The following FUS variants were observed in gnomAD, a reference collection of about 807,000 sequenced individuals.
FUS encodes the protein FUS RNA binding protein, also known as RNA-binding protein FUS.
FUS carries 5 observed loss-of-function variants against 82.7 expected under a neutral mutation model. The observed-to-expected ratio is 0.06, with a 90% CI of 0.03 to 0.13. The LOEUF is 0.13. Ranked by LOEUF, FUS falls within the 10% of genes least tolerant of loss-of-function variation. FUS has a pLI of 1.00. For synonymous variants in FUS, 281 were observed against 247.4 expected, an observed-to-expected ratio of 1.14 and a Z score of -1.27; for missense variants, 512 against 707.8, an observed-to-expected ratio of 0.72 and a Z score of 3.14.
intron 10 of FUS, 46 bp from the exon 11 acceptor site, chr16:31,189,994 A>G (rs1430510090): frequency 6.3e-7 from 1 of 1,575,540 alleles, no homozygotes; most frequent in African/African-American, 1.4e-5. Context: ...TTTCGGATTA[A>G]TGTGTCTTGC....
At chr16:31,191,133 A>G in intron 14 of FUS, 23 bp downstream of exon 14, 1 of 1,611,566 alleles carries the variant, frequency 6.2e-7, no homozygotes, top group Non-Finnish European at 8.5e-7. Flanking sequence ...ATCAGAATAA[A>G]AAAGTAGAGC....
At chr16:31,193,616 A>T (rs959327785), downstream of FUS, 4 of 529,646 alleles carry the variant, frequency 7.6e-6, no homozygotes, top group Non-Finnish European at 1.1e-5. Flanking sequence ...ATTGGCCTTG[A>T]CCTTAAAAGG....
At chr16:31,187,836 T>C (rs1300103709) in intron 7 of FUS, 1 of 244,344 alleles carries the variant, frequency 4.1e-6, no homozygotes, top group Non-Finnish European at 8.0e-6. Context: ...AACAACACGG[T>C]TTTAAGGATG....
intron 6 of FUS, 136 bp from the exon 7 acceptor site, chr16:31,186,666 G>A: frequency 1.3e-6 from 1 of 766,792 alleles, no homozygotes; most frequent in Non-Finnish European, 2.3e-6. Context: ...GTCAGGAAGG[G>A]ATGTATTTTA....
At chr16:31,183,692 T>C in intron 3 of FUS, 166 bp from the exon 4 acceptor site, 1 of 800,530 alleles carries the variant, frequency 1.2e-6, no homozygotes, top group Non-Finnish European at 2.1e-6. Flanking sequence ...GCATTAAATT[T>C]AGGCTTTGAA....
rs1382770478 is a variant in FUS at position 31,190,108 on chromosome 16, G to A, written c.1135G>A (p.Gly379Ser). 1.2e-6 allele frequency: 2 copies of A among 1,614,032 alleles called. No homozygotes were observed. The highest frequency in any genetic ancestry group is 4.5e-5 in the East Asian group (2 of 44,900). Residue 379 changes from glycine to serine, a missense_variant, in exon 11 of 15, where the codon GGT becomes AGT. This residue lies in a region of FUS where 63 missense variants were observed against 83.0 expected (regional missense o/e 0.76). Coordinates refer to ENST00000254108, the MANE Select transcript of FUS (RefSeq NM_004960.4). ...ATRRADFNRG[G>S]GNGRGGRGRG... ...TCGCCGGGCAGACTTTAATCGGGGT[G>A]GTGGCAATGGTCGTGGAGGCCGAGG...
downstream of FUS, chr16:31,192,968 CTTTATTT>C (rs1567481543): frequency 4.1e-6 from 2 of 484,172 alleles, no homozygotes; most frequent in Non-Finnish European, 8.2e-6. Context: ...GAAACTATGA[CTTTATTT>C]TTTGAGATGG....
intron 10 of FUS, 82 bp downstream of exon 10, chr16:31,189,876 C>G: frequency 1.9e-6 from 3 of 1,608,300 alleles, no homozygotes; most frequent in Non-Finnish European, 1.7e-6. Flanking sequence ...TTTGAGGGTT[C>G]TTTTGAGTCT....
rs556586630 is a variant in FUS at position 31,185,063 on chromosome 16, C to T, written c.648C>T (p.Arg216=). 4.0e-5 allele frequency: 65 copies of T among 1,610,978 alleles called. 2 individuals carry two copies. The East Asian group carries it at 4.5e-4, about 11-fold the overall frequency. Residue 216 remains arginine (R), a synonymous_variant, in exon 6 of 15, where the codon CGC becomes CGT. Transcript: ENST00000254108. ...GGYGQQDRGG[R]GRGGSGGGGG... ...ATGGACAGCAGGACCGTGGAGGCCG[C>T]GGCAGGGGTGGCAGTGGTGGCGGCG...
chr16:31,184,263 C>T lies in FUS; in HGVS notation c.390C>T (p.Tyr130=), dbSNP rs756943698. 1.3e-5 allele frequency: 21 copies of T among 1,613,944 alleles called. No individual in the cohort carries two copies. The highest frequency in any genetic ancestry group is 1.7e-5 in the Non-Finnish European group (20 of 1,179,996). ...SSYGQPQSGS[Y]SQQPSYGGQQ... The stretch of plus-strand genomic sequence containing the variant: ...ATGGGCAGCCCCAGAGTGGGAGCTA[C>T]AGCCAGCAGCCTAGCTATGGTGGAC... Residue 130 remains tyrosine (Y), a synonymous_variant, in exon 5 of 15, where the codon TAC becomes TAT. Transcript: ENST00000254108.
chr16:31,182,776 G>GC (rs762584174), intron 3 of FUS, 112 bp downstream of exon 3: 24 of 1,336,326 alleles, frequency 1.8e-5, no homozygotes, highest in Non-Finnish European at 2.1e-6. Flanking sequence ...GAGTGCAGTG[G>GC]TGCTGTCTCA....
chr16:31,192,373 G>C (rs2079373694), downstream of FUS: 1 of 524,472 alleles, frequency 1.9e-6, no homozygotes, highest in South Asian at 1.5e-5. Flanking sequence ...TTGTAAACTT[G>C]CACGTACCTG....
At chr16:31,183,307 T>A (rs2079209604) in intron 3 of FUS, 1 of 168,408 alleles carries the variant, frequency 5.9e-6, no homozygotes, top group Non-Finnish European at 1.3e-5. Flanking sequence ...ACAAAAATGT[T>A]TATTGGTTTG....
chr16:31,189,868 T>G (rs1368792484), intron 10 of FUS, 74 bp downstream of exon 10: 10 of 1,611,390 alleles, frequency 6.2e-6, no homozygotes, highest in African/African-American at 2.7e-5. Flanking sequence ...AGCCATAGTT[T>G]GAGGGTTCTT....
chr16:31,185,569 C>T, intron 6 of FUS: 1 of 537,442 alleles, frequency 1.9e-6, no homozygotes, highest in Middle Eastern at 2.8e-4. Context: ...ATGTGTATTC[C>T]CATGTGTCCT....
intron 6 of FUS, 183 bp from the exon 7 acceptor site, chr16:31,186,619 C>T: frequency 1.5e-6 from 1 of 655,886 alleles, no homozygotes; most frequent in Non-Finnish European, 2.8e-6. Context: ...AAATTGCACA[C>T]GTGTGTGTGA....
At chr16:31,180,695 C>CT (rs1325548488) in intron 1 of FUS, among the ~76,000 whole-genome samples, 1 of 152,190 alleles carries the variant, frequency 6.6e-6, no homozygotes, top group Admixed American at 6.5e-5. Context: ...TCGCGAGACC[C>CT]TTCGCGGAAG....
chr16:31,184,960 C>T lies in FUS; in HGVS notation c.545C>T (p.Ser182Phe), dbSNP rs375737143. Residue 182 changes from serine to phenylalanine, a missense_variant, in exon 6 of 15, where the codon TCC becomes TTC. Physicochemically the swap from Ser to Phe is radical, Grantham distance 155. Around this residue, in one of 6 missense-constraint regions of FUS, gnomAD observed 276 missense variants for 303.3 expected, o/e 0.91. Coordinates refer to ENST00000254108, the MANE Select transcript of FUS (RefSeq NM_004960.4). ...ACAGGTAACTATGGCCAAGATCAATCCTCCATGAGTAGTGGTGGTGGCAGT... is the reference window on the plus strand; with the variant it reads ...ACAGGTAACTATGGCCAAGATCAATTCTCCATGAGTAGTGGTGGTGGCAGT... ...GGGGNYGQDQSSMSSGGGSGG... is the reference protein window; with the variant it reads ...GGGGNYGQDQFSMSSGGGSGG... The T allele has an allele frequency of 2.5e-6, 4 of 1,613,358 alleles. No homozygotes were observed. Among genetic ancestry groups the T allele is most frequent in the Admixed American group, 1.7e-5 (1 of 59,924 alleles).
At chr16:31,188,274 C>G (rs1442895036) in intron 7 of FUS, 51 bp from the exon 8 acceptor site, 1 of 1,591,458 alleles carries the variant, frequency 6.3e-7, no homozygotes, top group Admixed American at 1.7e-5. Context: ...AACGGCTCAT[C>G]TTTTCCTTGT....
Sources: gnomAD v4.1 joint callset for allele counts (sites outside exome capture counted in the v4.1 genomes callset) on GRCh38, gnomAD v4.1.1 for gene constraint, gnomAD v4.1.1 regional missense constraint, MANE v1.5 for transcripts, NCBI Gene and HGNC (gene_info 2026-07-23, HGNC 2026-07-21) for gene names.